Variants in PCCA observed in about 807,000 individuals in gnomAD.
PCCA encodes the protein propionyl-CoA carboxylase subunit alpha.
A neutral mutation model predicts 101.3 loss-of-function variants in PCCA; 74 were observed. The ratio of observed to expected loss-of-function variants is 0.73; its 90% CI spans 0.61 to 0.89. The LOEUF (loss-of-function observed/expected upper bound fraction) is 0.89, where lower values mean the gene tolerates loss of function less well. Among genes scored for constraint, PCCA ranks in the 40% least tolerant of loss-of-function variants. PCCA has a pLI of 0.00. For synonymous variants in PCCA, 294 were observed against 313.6 expected (o/e 0.94, Z 0.66); for missense variants, 891 against 907.0 (o/e 0.98, Z 0.23).
At chr13:100,507,017 G>A (rs894095398) in intron 21 of PCCA, among the ~76,000 whole-genome samples, 5 of 151,990 alleles carry the variant, frequency 3.3e-5, no homozygotes, top group African/African-American at 7.3e-5. Flanking sequence ...AAAACAATTC[G>A]AGATACAGAA....
intron 1 of PCCA, 85 bp from the exon 2 acceptor site, chr13:100,102,798 G>C: frequency 2.3e-6 from 2 of 877,834 alleles, no homozygotes; most frequent in Non-Finnish European, 1.9e-6. Context: ...ACGTTCGCTA[G>C]AACCTAACTG....
chr13:100,402,234 G>C (rs2077408965), intron 19 of PCCA, among the ~76,000 whole-genome samples: 1 of 151,544 alleles, frequency 6.6e-6, no homozygotes, highest in Non-Finnish European at 1.5e-5. Flanking sequence ...AAGCTATGTT[G>C]AAGAGTTTTT....
intron 23 of PCCA, among the ~76,000 whole-genome samples, chr13:100,529,173 C>T (rs531827898): frequency 7.9e-4 from 120 of 152,260 alleles, no homozygotes; most frequent in Non-Finnish European, 1.5e-3. Flanking sequence ...AAGTAGCAGG[C>T]CCTGGTTCCT....
At chr13:100,402,704 T>G (rs949074427) in intron 19 of PCCA, among the ~76,000 whole-genome samples, 3 of 151,856 alleles carry the variant, frequency 2.0e-5, no homozygotes, top group Non-Finnish European at 4.4e-5. Flanking sequence ...TATTTAGCAG[T>G]GGGCAAGGGG....
intron 20 of PCCA, among the ~76,000 whole-genome samples, chr13:100,434,882 ACCT>A (rs1289525227): frequency 6.6e-6 from 1 of 151,932 alleles, no homozygotes; most frequent in Non-Finnish European, 1.5e-5. Context: ...TAAGAATTCG[ACCT>A]CCTCAAATTA....
intron 6 of PCCA, among the ~76,000 whole-genome samples, chr13:100,176,498 T>A (rs2056249470): frequency 1.3e-5 from 2 of 152,258 alleles, no homozygotes; most frequent in Admixed American, 1.3e-4. Context: ...TTCTGTGTGT[T>A]TGTATGATAC....
chr13:100,347,900 A>G (rs930406055), intron 18 of PCCA, among the ~76,000 whole-genome samples: 19 of 152,352 alleles, frequency 1.2e-4, no homozygotes, highest in African/African-American at 4.1e-4. Flanking sequence ...GCTACACCCT[A>G]TAACAGTGTA....
chr13:100,240,940 A>G (rs2061091266), intron 8 of PCCA, among the ~76,000 whole-genome samples: 1 of 152,090 alleles, frequency 6.6e-6, no homozygotes, highest in South Asian at 2.1e-4. Context: ...ATGCATATAT[A>G]TATATAACTT....
At chr13:100,209,929 G>A (rs747363857) in intron 7 of PCCA, among the ~76,000 whole-genome samples, 6 of 151,960 alleles carry the variant, frequency 3.9e-5, no homozygotes, top group Admixed American at 6.6e-5. Flanking sequence ...ACTGCATCCG[G>A]CCAGAAATCA....
intron 21 of PCCA, among the ~76,000 whole-genome samples, chr13:100,508,096 T>C (rs2086216355): frequency 6.6e-6 from 1 of 152,232 alleles, no homozygotes; most frequent in African/African-American, 2.4e-5. Flanking sequence ...TTTTGTATTA[T>C]TGACAACCCC....
At chr13:100,410,674 G>A (rs937248069) in intron 19 of PCCA, among the ~76,000 whole-genome samples, 1 of 152,180 alleles carries the variant, frequency 6.6e-6, no homozygotes, top group African/African-American at 2.4e-5. Context: ...TTGCAGTCCT[G>A]TAAATTGATG....
chr13:100,504,224 ATTC>A (rs1479834776), intron 21 of PCCA, among the ~76,000 whole-genome samples: 7 of 152,224 alleles, frequency 4.6e-5, no homozygotes, highest in Non-Finnish European at 8.8e-5. Context: ...TCAAATATGA[ATTC>A]TTCTGCCATG....
chr13:100,367,934 G>C (rs1404332134), intron 18 of PCCA, among the ~76,000 whole-genome samples: 1 of 151,516 alleles, frequency 6.6e-6, no homozygotes, highest in Non-Finnish European at 1.5e-5. Flanking sequence ...CTCCAGCCCG[G>C]GCGACAGTGC....
At chr13:100,186,317 C>T (rs2057262179) in intron 6 of PCCA, among the ~76,000 whole-genome samples, 1 of 152,174 alleles carries the variant, frequency 6.6e-6, no homozygotes, top group South Asian at 2.1e-4. Flanking sequence ...TTAATACACA[C>T]TTGTCTGTGT....
At chr13:100,361,007 CAA>C (rs1482881815) in intron 18 of PCCA, among the ~76,000 whole-genome samples, 1 of 152,074 alleles carries the variant, frequency 6.6e-6, no homozygotes, top group Admixed American at 6.6e-5. Context: ...ACAGTGGAAA[CAA>C]ATACATATTG....
In PCCA at chr13:100,174,727, C is replaced by CA. The variant is rs35584409; in HGVS notation, c.468+17401dup. The stretch of plus-strand genomic sequence containing the variant: ...TGGGCAACAAAGCAAGACCCCATCT[C>CA]AAAAAAAAAAAAAAGAAAAAAAAAG... On this transcript the variant is annotated intron_variant, in intron 6 of 23. Transcript: ENST00000376285. Among the ~76,000 whole-genome samples the CA allele has an allele frequency of 3.7e-3, 300 of 80,686 alleles. 1 individual carries two copies. The highest frequency in any genetic ancestry group is 0.021 in the East Asian group (49 of 2,368). The allele number at this position is 80,686 out of a possible 152,430, so 52.9% of individuals were successfully genotyped here.
At chr13:100,286,560 C>T (rs1245889973) in intron 12 of PCCA, among the ~76,000 whole-genome samples, 1 of 152,170 alleles carries the variant, frequency 6.6e-6, no homozygotes, top group Non-Finnish European at 1.5e-5. Flanking sequence ...ACGAATTGAA[C>T]ATATTGACAT....
At chr13:100,176,105 G>T (rs1397014542) in intron 6 of PCCA, among the ~76,000 whole-genome samples, 1 of 152,116 alleles carries the variant, frequency 6.6e-6, no homozygotes, top group Admixed American at 6.5e-5. Context: ...TTCCTTCTGG[G>T]ACTCATTTTT....
chr13:100,408,750 A>G (rs535319429), intron 19 of PCCA, among the ~76,000 whole-genome samples: 1 of 152,262 alleles, frequency 6.6e-6, no homozygotes, highest in Non-Finnish European at 1.5e-5. Flanking sequence ...TGATTTCACA[A>G]CCAACACCTT....
Sources: allele counts gnomAD v4.1 joint callset (sites outside exome capture counted in the v4.1 genomes callset), GRCh38; gene constraint gnomAD v4.1.1; transcripts MANE v1.5; gene names NCBI Gene and HGNC (gene_info 2026-07-23, HGNC 2026-07-21).